Variants in ANKRD13B observed in about 807,000 individuals in gnomAD.
ANKRD13B encodes ankyrin repeat domain 13B.
ANKRD13B carries 33 observed loss-of-function variants against 74.4 expected under a neutral mutation model. The ratio of observed to expected loss-of-function variants is 0.44; its 90% CI spans 0.34 to 0.59. The LOEUF is 0.59. ANKRD13B is among the 20% of genes least tolerant of loss of function. The pLI is 0.02. For synonymous variants in ANKRD13B, 341 were observed against 362.9 expected, an observed-to-expected ratio of 0.94 and a Z score of 0.68; for missense variants, 676 against 877.9, an observed-to-expected ratio of 0.77 and a Z score of 2.91.
chr17:29,606,637 T>C (rs561451070), intron 1 of ANKRD13B, among the ~76,000 whole-genome samples: 2 of 145,954 alleles, frequency 1.4e-5, no homozygotes, highest in Admixed American at 1.4e-4. Flanking sequence ...GGGCTTGTAA[T>C]CCCAGCTGCT....
intron 14 of ANKRD13B, 41 bp downstream of exon 14, chr17:29,613,004 T>A: frequency 6.3e-7 from 1 of 1,577,332 alleles, no homozygotes; most frequent in Non-Finnish European, 8.6e-7. Flanking sequence ...CCGGAGAGGA[T>A]CCTGTCTCCC....
chr17:29,600,137 A>G (rs1424225495), intron 1 of ANKRD13B, among the ~76,000 whole-genome samples: 3 of 152,082 alleles, frequency 2.0e-5, no homozygotes, highest in Admixed American at 6.5e-5. Context: ...CGGCCTCCCA[A>G]AGAGCTGGGA....
chr17:29,602,133 C>T (rs1020449305), intron 1 of ANKRD13B, among the ~76,000 whole-genome samples: 12 of 152,144 alleles, frequency 7.9e-5, no homozygotes, highest in African/African-American at 2.4e-4. Flanking sequence ...TGGTGGCTCA[C>T]GCCTGTAATC....
At chr17:29,602,629 T>C (rs2034223424) in intron 1 of ANKRD13B, among the ~76,000 whole-genome samples, 1 of 152,118 alleles carries the variant, frequency 6.6e-6, no homozygotes, top group South Asian at 2.1e-4. Context: ...AAGACACCTG[T>C]CATTGGATTT....
Position 29,614,549 on chromosome 17 carries a change from G to A in ANKRD13B, c.*967G>A, listed in dbSNP as rs1220367137. 2 of 152,582 alleles carry A rather than the reference G, an allele frequency of 1.3e-5. No individual in the cohort carries two copies. Among genetic ancestry groups the A allele is most frequent in the Admixed American group, 1.3e-4 (2 of 15,304 alleles). The allele number at this position is 152,582 out of a possible 1,614,324, so 9.5% of individuals were successfully genotyped here. ...TGCCCCACCTCACCCACCCAGAGAA[G>A]CACAGACCCCGCCAGGGGCAGGGGC... is the stretch of plus-strand genomic sequence containing the variant. On this transcript the variant is annotated 3_prime_UTR_variant, in exon 15 of 15. Coordinates refer to ENST00000394859, the MANE Select transcript of ANKRD13B (RefSeq NM_152345.5).
At chr17:29,613,295 G>A (rs2034673155) in intron 14 of ANKRD13B, 59 bp from the exon 15 acceptor site, 1 of 1,383,932 alleles carries the variant, frequency 7.2e-7, no homozygotes, top group Non-Finnish European at 9.3e-7. Context: ...GCCGTGTCCC[G>A]GCCCCGGCCG....
rs1002630596 is a variant in ANKRD13B at position 29,602,257 on chromosome 17, T to C, written c.115-5485T>C. Among the ~76,000 whole-genome samples, 111 of 151,950 alleles carry C rather than the reference T, an allele frequency of 7.3e-4. 1 individual carries two copies. Among genetic ancestry groups the C allele is most frequent in the South Asian group, 7.1e-3 (34 of 4,812 alleles). On this transcript the variant is annotated intron_variant, in intron 1 of 14. Transcript: ENST00000394859. ...AAAAATACAAAAAATTAGCCGGGCGTGGTGGTGGGTGCCTGTAATCCCAGC... is the reference window on the plus strand; with the variant it reads ...AAAAATACAAAAAATTAGCCGGGCGCGGTGGTGGGTGCCTGTAATCCCAGC...
intron 14 of ANKRD13B, 86 bp downstream of exon 14, chr17:29,613,049 C>A (rs2034656229): frequency 6.7e-7 from 1 of 1,501,790 alleles, no homozygotes; most frequent in East Asian, 2.5e-5. Context: ...CCCGCGGGGC[C>A]CTCGGCAGGG....
Position 29,609,445 on chromosome 17 carries a change from C to T in ANKRD13B, c.822+24C>T, listed in dbSNP as rs781697868. ...AGGTGAGGCTGCAGCTCCCAGCTGC[C>T]AGCCCAGCTGCACTCTTGCCTACAG... On this transcript the variant is annotated intron_variant, in intron 7 of 14. Transcript: ENST00000394859. The surrounding 1 kb of genome is among the most constrained non-coding windows in gnomAD (Gnocchi z 4.0). 2 of 1,611,750 alleles carry T rather than the reference C, an allele frequency of 1.2e-6. No individual in the cohort carries two copies.
rs751257805 is a variant in ANKRD13B at position 29,612,239 on chromosome 17, C to G, written c.1224C>G (p.Thr408=). ...TTGCCAAGCTCCGGGACTTCATCAC[C>G]CTGCGTCTGCCTCCTGGCTTCCCAG... ...ALFAKLRDFI[T]LRLPPGFPVK... is the part of the protein sequence containing the mutation. The change falls in exon 11 of 15, where the codon ACC becomes ACG. Residue 408 remains threonine (T), a synonymous_variant. Transcript: ENST00000394859. The surrounding 1 kb of genome is among the most constrained non-coding windows in gnomAD (Gnocchi z 6.1). 1 of 1,614,010 alleles carries G rather than the reference C, an allele frequency of 6.2e-7. No individual in the cohort carries two copies. Among genetic ancestry groups the G allele is most frequent in the Admixed American group, 1.7e-5 (1 of 60,004 alleles).
chr17:29,603,973 C>T (rs2034274910), intron 1 of ANKRD13B, among the ~76,000 whole-genome samples: 1 of 150,468 alleles, frequency 6.6e-6, no homozygotes, highest in African/African-American at 2.4e-5. Flanking sequence ...GATCTCCTGA[C>T]CTCGTGATCC....
intron 1 of ANKRD13B, among the ~76,000 whole-genome samples, chr17:29,602,423 C>G (rs2034216101): frequency 6.6e-6 from 1 of 151,388 alleles, no homozygotes; most frequent in Non-Finnish European, 1.5e-5. Flanking sequence ...TTTATTCTGT[C>G]ACAGTTCGGG....
In ANKRD13B at chr17:29,599,871, T is replaced by TG. The variant is rs1567786154; in HGVS notation, c.114+6136_114+6137insG. 8.8e-5 allele frequency among the ~76,000 whole-genome samples: 10 copies of TG among 113,718 alleles called. No homozygotes were observed. The South Asian group carries it at 9.5e-4, about 11-fold the overall frequency. The allele number at this position is 113,718 out of a possible 152,430, so 74.6% of individuals were successfully genotyped here. On this transcript the variant is annotated intron_variant, in intron 1 of 14. Transcript: ENST00000394859. Reference sequence around the variant, plus strand: ...GGTTCTTAGCATCTAATTTGTTTTTTTTTTTTTTTTTTTTTTTTTTTTTGA... The same window carrying TG: ...GGTTCTTAGCATCTAATTTGTTTTTTGTTTTTTTTTTTTTTTTTTTTTTTGA...
rs562706819 is a variant in ANKRD13B, at chr17:29,608,105, C to T, written c.370C>T (p.Arg124Cys). 14 of 1,613,110 alleles carry T rather than the reference C, an allele frequency of 8.7e-6. No individual in the cohort carries two copies. Among genetic ancestry groups the T allele is most frequent in the Admixed American group, 3.3e-5 (2 of 59,918 alleles). The change falls in exon 3 of 15, where the codon CGC (arginine) becomes TGC (cysteine). Residue 124 changes from arginine (R) to cysteine (C), a missense_variant. Transcript: ENST00000394859. This position sits in a 1 kb window ranked among gnomAD's most constrained non-coding sequence, Gnocchi z 6.4. Reference sequence around the variant, plus strand: ...CATCCCCGTGCTCCTGGAGAAGCTGCGCAAGGTGAGGCCCAGCCTCTCAGC... The same window carrying T: ...CATCCCCGTGCTCCTGGAGAAGCTGTGCAAGGTGAGGCCCAGCCTCTCAGC... ...AGIPVLLEKL[R>C]KAQDFYVEMK...
chr17:29,613,660 G>T lies in ANKRD13B; in HGVS notation c.*78G>T, dbSNP rs2034695270. ...GAGCCAGACAAACCCCGGCCTGCGC[G>T]CCTGCAGAGCGGCGGCTGGAGACTG... On this transcript the variant is annotated 3_prime_UTR_variant, in exon 15 of 15. Transcript: ENST00000394859. 5 of 1,372,510 alleles carry T rather than the reference G, an allele frequency of 3.6e-6. No homozygotes were observed. The East Asian group carries it at 1.5e-4, about 42-fold the overall frequency. 85.0% of individuals were successfully genotyped at this position (1,372,510 alleles called of 1,614,324 possible). A position where few individuals can be genotyped will look rare whatever the true frequency, so the allele number is the denominator to read the frequency against.
In ANKRD13B at chr17:29,610,672, C is replaced by T. The variant is rs375133123; in HGVS notation, c.823-13C>T. The T allele has an allele frequency of 1.0e-3, 1,660 of 1,613,244 alleles. 1 individual carries two copies. Among genetic ancestry groups the T allele is most frequent in the Non-Finnish European group, 1.3e-3 (1,561 of 1,179,594 alleles). On this transcript the variant is annotated splice_polypyrimidine_tract_variant and intron_variant, in intron 7 of 14. Coordinates refer to ENST00000394859, the MANE Select transcript of ANKRD13B (RefSeq NM_152345.5). ...CAGAACTGCTTATGAGCCCTTTCTT[C>T]ATCTGTCCCCAGGTGTATGGGGCAT...
At chr17:29,605,896 T>C (rs962609458) in intron 1 of ANKRD13B, among the ~76,000 whole-genome samples, 2 of 152,006 alleles carry the variant, frequency 1.3e-5, no homozygotes, top group African/African-American at 2.4e-5. Flanking sequence ...GGGAGTTACA[T>C]GCATGTGGTC....
chr17:29,596,670 G>A lies in ANKRD13B; in HGVS notation c.114+2935G>A, dbSNP rs541409637. On this transcript the variant is annotated intron_variant, in intron 1 of 14. Transcript: ENST00000394859. Reference sequence around the variant, plus strand: ...CTGGGGCGTTCTCCACCGTGGGCTTGCTTCCTGCTTTCCCTGTTCACCCTT... The same window carrying A: ...CTGGGGCGTTCTCCACCGTGGGCTTACTTCCTGCTTTCCCTGTTCACCCTT... Among the ~76,000 whole-genome samples, 8 of 152,350 alleles carry A rather than the reference G, an allele frequency of 5.3e-5. No individual in the cohort carries two copies. The South Asian group carries it at 1.4e-3, about 28-fold the overall frequency.
Position 29,608,671 on chromosome 17 carries a change from G to A in ANKRD13B, c.422-180G>A, listed in dbSNP as rs149853652. 2.1e-4 allele frequency: 177 copies of A among 825,908 alleles called. No individual in the cohort carries two copies. The African/African-American group carries it at 2.7e-3, about 13-fold the overall frequency. 51.2% of individuals were successfully genotyped at this position (825,908 alleles called of 1,614,324 possible). A position where few individuals can be genotyped will look rare whatever the true frequency, so the allele number is the denominator to read the frequency against. ...AACATGCCCGTCCCGACCTCAGGTTGCTCTTCTGTGTGAGTATGGTCTACA... is the reference window on the plus strand; with the variant it reads ...AACATGCCCGTCCCGACCTCAGGTTACTCTTCTGTGTGAGTATGGTCTACA... On this transcript the variant is annotated intron_variant, in intron 4 of 14. Transcript: ENST00000394859. The surrounding 1 kb of genome is among the most constrained non-coding windows in gnomAD (Gnocchi z 6.4).
Sources: allele counts gnomAD v4.1 joint callset (sites outside exome capture counted in the v4.1 genomes callset), GRCh38; gene constraint gnomAD v4.1.1; non-coding constraint Gnocchi (gnomAD v3.1); transcripts MANE v1.5; gene names NCBI Gene and HGNC (gene_info 2026-07-23, HGNC 2026-07-21).